The following PSMB7 variants were observed in gnomAD, a reference collection of about 807,000 sequenced individuals.
PSMB7 encodes the protein proteasome 20S subunit beta 7.
A neutral mutation model predicts 28.1 loss-of-function variants in PSMB7; 5 were observed. The ratio of observed to expected loss-of-function variants is 0.18; its 90% CI spans 0.09 to 0.37. The LOEUF is 0.37. PSMB7 is among the 10% of genes least tolerant of loss of function. The pLI is 1.00. For missense variants in PSMB7, 275 were observed against 346.2 expected (o/e 0.79, Z 1.63); for synonymous variants, 122 against 123.7 (o/e 0.99, Z 0.09).
At chr9:124,407,469 G>A (rs894380491) in intron 4 of PSMB7, among the ~76,000 whole-genome samples, 4 of 152,182 alleles carry the variant, frequency 2.6e-5, no homozygotes, top group African/African-American at 4.8e-5. Context: ...TCCAGGAAGA[G>A]AAGCCACAAT....
At chr9:124,364,069 C>T (rs927663695) in intron 6 of PSMB7, among the ~76,000 whole-genome samples, 20 of 152,324 alleles carry the variant, frequency 1.3e-4, no homozygotes, top group Middle Eastern at 3.4e-3. Context: ...ACGGTTAGCA[C>T]GTCCTAGGGT....
intron 6 of PSMB7, among the ~76,000 whole-genome samples, chr9:124,374,958 T>C (rs1830595263): frequency 1.3e-5 from 2 of 152,050 alleles, no homozygotes; most frequent in South Asian, 2.1e-4. Flanking sequence ...CTGGCCAATA[T>C]GGCGAAACAC....
intron 6 of PSMB7, among the ~76,000 whole-genome samples, chr9:124,375,867 G>T (rs1324252326): frequency 1.3e-5 from 2 of 152,170 alleles, no homozygotes; most frequent in African/African-American, 4.8e-5. Context: ...ACCTCCCAGC[G>T]AGTGGTCACC....
At chr9:124,374,687 C>T (rs889549968) in intron 6 of PSMB7, among the ~76,000 whole-genome samples, 9 of 151,962 alleles carry the variant, frequency 5.9e-5, no homozygotes, top group East Asian at 1.9e-4. Context: ...TAGCTGAGCA[C>T]GGTAGCACCC....
chr9:124,384,758 C>T, intron 5 of PSMB7, 102 bp from the exon 6 acceptor site: 1 of 987,554 alleles, frequency 1.0e-6, no homozygotes, highest in Non-Finnish European at 1.6e-6. Context: ...TGCCCAGTGT[C>T]TCATTCAAGT....
chr9:124,375,582 C>T (rs936999142), intron 6 of PSMB7, among the ~76,000 whole-genome samples: 1 of 151,994 alleles, frequency 6.6e-6, no homozygotes, highest in Non-Finnish European at 1.5e-5. Context: ...ACCTTAAAAC[C>T]TAAAAATCTG....
chr9:124,397,058 T>C (rs1830850336), intron 5 of PSMB7, among the ~76,000 whole-genome samples: 1 of 152,210 alleles, frequency 6.6e-6, no homozygotes, highest in East Asian at 1.9e-4. Flanking sequence ...TCCTTTTTCT[T>C]TTTGGAGAAT....
intron 5 of PSMB7, among the ~76,000 whole-genome samples, chr9:124,401,294 T>A (rs1413250167): frequency 6.6e-6 from 1 of 152,218 alleles, no homozygotes; most frequent in Admixed American, 6.5e-5. Context: ...AGCCACACAC[T>A]CCTTCCTATT....
intron 5 of PSMB7, among the ~76,000 whole-genome samples, chr9:124,401,929 G>GA (rs1830912526): frequency 6.6e-6 from 1 of 151,348 alleles, no homozygotes; most frequent in Non-Finnish European, 1.5e-5. Flanking sequence ...TGAGGCAGGA[G>GA]AATCACTTGA....
intron 6 of PSMB7, among the ~76,000 whole-genome samples, chr9:124,380,261 T>C (rs1289874837): frequency 6.6e-6 from 1 of 152,210 alleles, no homozygotes; most frequent in Non-Finnish European, 1.5e-5. Flanking sequence ...TTTATTTCTA[T>C]CAATAGTATG....
At chr9:124,415,052 G>GTTTTTTTATTTTTTTT in intron 1 of PSMB7, 117 bp from the exon 2 acceptor site, 1 of 687,750 alleles carries the variant, frequency 1.5e-6, no homozygotes, top group Non-Finnish European at 2.5e-6. Context: ...ACGCCCATCT[G>GTTTTTTTATTTTTTTT]TTTAATGAAT....
intron 4 of PSMB7, 112 bp downstream of exon 4, chr9:124,412,240 A>T (rs1436318253): frequency 7.1e-6 from 8 of 1,124,336 alleles, no homozygotes. Flanking sequence ...TTTCCGGAAC[A>T]AAATGTGTAT....
chr9:124,382,217 TTTTTTTTTG>T (rs1489698715), intron 6 of PSMB7, among the ~76,000 whole-genome samples: 2 of 102,394 alleles, frequency 2.0e-5, no homozygotes, highest in Non-Finnish European at 4.4e-5. Flanking sequence ...TTTTTTTTTT[TTTTTTTTTG>T]AGACAAAGTC....
At chr9:124,411,400 T>C (rs565104722) in intron 4 of PSMB7, among the ~76,000 whole-genome samples, 2 of 152,342 alleles carry the variant, frequency 1.3e-5, no homozygotes, top group East Asian at 1.9e-4. Context: ...CAGTTTAAAA[T>C]CTTTACTGTC....
At chr9:124,357,239 C>A (rs1261910519) in intron 6 of PSMB7, among the ~76,000 whole-genome samples, 1 of 152,122 alleles carries the variant, frequency 6.6e-6, no homozygotes, top group African/African-American at 2.4e-5. Flanking sequence ...GGCTTTGTGG[C>A]CAAAAGTCTC....
At chr9:124,397,289 T>C (rs1418600537) in intron 5 of PSMB7, among the ~76,000 whole-genome samples, 1 of 152,194 alleles carries the variant, frequency 6.6e-6, no homozygotes, top group Non-Finnish European at 1.5e-5. Context: ...GCTGCTCTCA[T>C]TGTAGTCAAT....
intron 6 of PSMB7, among the ~76,000 whole-genome samples, chr9:124,362,645 GAT>G (rs1205977894): frequency 6.6e-6 from 1 of 152,044 alleles, no homozygotes; most frequent in Non-Finnish European, 1.5e-5. Flanking sequence ...AAGTTCAAGA[GAT>G]ATATTGTACA....
intron 1 of PSMB7, 50 bp downstream of exon 1, chr9:124,415,314 A>G: frequency 6.3e-7 from 1 of 1,579,280 alleles, no homozygotes; most frequent in East Asian, 2.2e-5. Context: ...CTCCCACCCG[A>G]GCACCGCACT....
chr9:124,360,919 T>C (rs923148154), intron 6 of PSMB7, among the ~76,000 whole-genome samples: 6 of 152,234 alleles, frequency 3.9e-5, no homozygotes, highest in Non-Finnish European at 8.8e-5. Flanking sequence ...TAATAAATGG[T>C]AAGTTATTTA....
Sources: gnomAD v4.1 joint callset for allele counts (sites outside exome capture counted in the v4.1 genomes callset) on GRCh38, gnomAD v4.1.1 for gene constraint, MANE v1.5 for transcripts, NCBI Gene and HGNC (gene_info 2026-07-23, HGNC 2026-07-21) for gene names.